The following CNTNAP2 variants were observed in gnomAD, a reference collection of about 807,000 sequenced individuals.
CNTNAP2 encodes contactin-associated protein-like 2.
Under a neutral mutation model 155.2 loss-of-function variants are expected in CNTNAP2, and 98 were observed. That is an observed-to-expected ratio of 0.63 (90% CI 0.54 to 0.75). CNTNAP2 has a LOEUF of 0.75. Among genes scored for constraint, CNTNAP2 ranks in the 30% least tolerant of loss-of-function variants. CNTNAP2 has a pLI of 0.00. For synonymous variants in CNTNAP2, 651 were observed against 631.2 expected, an observed-to-expected ratio of 1.03 and a Z score of -0.47; for missense variants, 1,727 against 1,688.1, an observed-to-expected ratio of 1.02 and a Z score of -0.40.
At chr7:146,902,826 A>G (rs75040672) in intron 3 of CNTNAP2, among the ~76,000 whole-genome samples, 1,875 of 152,330 alleles carry the variant, frequency 0.012, 30 homozygotes, top group African/African-American at 0.041. Context: ...AGTGAGGATG[A>G]AATCTCTGTT....
intron 9 of CNTNAP2, among the ~76,000 whole-genome samples, chr7:147,339,468 C>A (rs920251399): frequency 6.6e-6 from 1 of 152,124 alleles, no homozygotes; most frequent in Non-Finnish European, 1.5e-5. Context: ...AAGGCCCTCA[C>A]CAGACACAGC....
Position 146,600,204 on chromosome 7 carries a change from G to A in CNTNAP2, c.98-174067G>A, listed in dbSNP as rs191342022. On this transcript the variant is annotated intron_variant, in intron 1 of 23. Coordinates refer to ENST00000361727, the MANE Select transcript of CNTNAP2 (RefSeq NM_014141.6). ...CAGGAAAATGAAGGCTAATCCTAGG[G>A]CACCCATGATACCTGGCTGTGCTAA... Among the ~76,000 whole-genome samples, 309 of 152,122 alleles carry A rather than the reference G, an allele frequency of 2.0e-3. 1 individual carries two copies. Among genetic ancestry groups the A allele is most frequent in the African/African-American group, 7.1e-3 (293 of 41,510 alleles).
chr7:146,132,940 G>A (rs2116739657), intron 1 of CNTNAP2, among the ~76,000 whole-genome samples: 1 of 148,376 alleles, frequency 6.7e-6, no homozygotes, highest in East Asian at 2.0e-4. Context: ...TAATGGGATG[G>A]CTGGGTCAAA....
At chr7:146,370,336 G>A (rs1244922150) in intron 1 of CNTNAP2, among the ~76,000 whole-genome samples, 1 of 151,022 alleles carries the variant, frequency 6.6e-6, no homozygotes, top group Non-Finnish European at 1.5e-5. Flanking sequence ...TACTTGGGAG[G>A]CTGATGCAAG....
chr7:146,475,013 G>GCGCGCGCACACACACA (rs71525954), intron 1 of CNTNAP2, among the ~76,000 whole-genome samples: 18 of 144,382 alleles, frequency 1.2e-4, no homozygotes, highest in African/African-American at 4.7e-4. Context: ...GCGCGCGCGC[G>GCGCGCGCACACACACA]CACACACACA....
chr7:147,137,482 G>C (rs573112532), intron 8 of CNTNAP2, among the ~76,000 whole-genome samples: 45 of 151,618 alleles, frequency 3.0e-4, no homozygotes, highest in African/African-American at 1.1e-3. Context: ...GTTCTCAGAA[G>C]TCAAAAACAA....
chr7:148,142,266 C>T (rs1805090624), intron 16 of CNTNAP2, among the ~76,000 whole-genome samples: 1 of 152,068 alleles, frequency 6.6e-6, no homozygotes, highest in Non-Finnish European at 1.5e-5. Flanking sequence ...GAACTCTTTA[C>T]TTCTTTCTCC....
rs527502672 is a variant in CNTNAP2, at chr7:146,725,059, C to A, written c.98-49212C>A. On this transcript the variant is annotated intron_variant, in intron 1 of 23. Transcript: ENST00000361727. ...ACTCTGTTCCCGGCCTTTCTCCTGG[C>A]TACTGGCGGTTGCTGTTAGTCCTTC... Among the ~76,000 whole-genome samples, 3 of 152,228 alleles carry A rather than the reference C, an allele frequency of 2.0e-5. No individual in the cohort carries two copies. In the East Asian group the frequency reaches 5.8e-4, roughly 29 times the overall value.
intron 4 of CNTNAP2, among the ~76,000 whole-genome samples, chr7:147,072,279 T>C (rs1799907359): frequency 6.6e-6 from 1 of 151,964 alleles, no homozygotes; most frequent in Non-Finnish European, 1.5e-5. Context: ...GCTGGAGAGT[T>C]GACAAATCCT....
chr7:146,926,870 G>A (rs1448732405), intron 3 of CNTNAP2, among the ~76,000 whole-genome samples: 1 of 152,052 alleles, frequency 6.6e-6, no homozygotes, highest in Non-Finnish European at 1.5e-5. Flanking sequence ...CAAAAAATGT[G>A]ATACATTTTA....
intron 1 of CNTNAP2, among the ~76,000 whole-genome samples, chr7:146,299,624 A>G (rs1383589463): frequency 1.3e-5 from 2 of 151,820 alleles, no homozygotes; most frequent in African/African-American, 4.8e-5. Flanking sequence ...ATGGTCACCA[A>G]CACTGGCCTC....
chr7:147,658,023 G>A (rs562820278), intron 13 of CNTNAP2, among the ~76,000 whole-genome samples: 1 of 118,446 alleles, frequency 8.4e-6, no homozygotes, highest in East Asian at 2.1e-4. Context: ...TTGGGAGGCC[G>A]AGGCGGGCGG....
rs114529267 is a variant in CNTNAP2 at position 148,274,679 on chromosome 7, C to G, written c.3475+7553C>G. Among the ~76,000 whole-genome samples, 1,346 of 152,270 alleles carry G rather than the reference C, an allele frequency of 8.8e-3. 25 individuals are homozygous for G. Among genetic ancestry groups the G allele is most frequent in the African/African-American group, 0.03 (1,265 of 41,554 alleles). On this transcript the variant is annotated intron_variant, in intron 21 of 23. Transcript: ENST00000361727. ...ATAATCATAAGCTTCCTGAGGCCTCCCCAGAAGCAGATGCCAGTGCTGTGC... is the reference window on the plus strand; with the variant it reads ...ATAATCATAAGCTTCCTGAGGCCTCGCCAGAAGCAGATGCCAGTGCTGTGC...
chr7:147,975,357 A>T (rs914731024), intron 14 of CNTNAP2, among the ~76,000 whole-genome samples: 3 of 151,976 alleles, frequency 2.0e-5, no homozygotes, highest in Non-Finnish European at 4.4e-5. Context: ...GCTGTTCTAA[A>T]TCATTATGTG....
Position 146,734,885 on chromosome 7 carries a change from A to G in CNTNAP2, c.98-39386A>G, listed in dbSNP as rs192263616. Reference sequence around the variant, plus strand: ...TTTCCAAAATCCTTAATTTTGAGTAATGCTGTTATCTTTCACCTCTGGAGT... The same window carrying G: ...TTTCCAAAATCCTTAATTTTGAGTAGTGCTGTTATCTTTCACCTCTGGAGT... On this transcript the variant is annotated intron_variant, in intron 1 of 23. Coordinates refer to ENST00000361727, the MANE Select transcript of CNTNAP2 (RefSeq NM_014141.6). Among the ~76,000 whole-genome samples, 396 of 152,298 alleles carry G rather than the reference A, an allele frequency of 2.6e-3. 3 individuals are homozygous for G. The highest frequency in any genetic ancestry group is 8.8e-3 in the African/African-American group (364 of 41,574).
intron 13 of CNTNAP2, 69 bp from the exon 14 acceptor site, chr7:147,903,496 G>A (rs1322494595): frequency 1.3e-6 from 2 of 1,517,732 alleles, no homozygotes; most frequent in Non-Finnish European, 1.8e-6. Flanking sequence ...GGGGAAGTGG[G>A]TGTAAGTGTG....
At chr7:148,172,566 T>C in intron 18 of CNTNAP2, 88 bp downstream of exon 18, 1 of 1,184,946 alleles carries the variant, frequency 8.4e-7, no homozygotes, top group Non-Finnish European at 1.3e-6. Flanking sequence ...TGTAAACAAG[T>C]GTACCTTATT....
At chr7:147,469,496 TCAGGCTGCAA>T (rs1798175256) in intron 10 of CNTNAP2, among the ~76,000 whole-genome samples, 1 of 144,892 alleles carries the variant, frequency 6.9e-6, no homozygotes, top group Non-Finnish European at 1.5e-5. Context: ...CACCAGGATG[TCAGGCTGCAA>T]TTTTTTTTTT....
At chr7:146,374,813 C>A (rs1795283996) in intron 1 of CNTNAP2, among the ~76,000 whole-genome samples, 1 of 152,106 alleles carries the variant, frequency 6.6e-6, no homozygotes, top group African/African-American at 2.4e-5. Context: ...TTTTAAGCGT[C>A]TTTTCAACAA....
Sources: allele counts gnomAD v4.1 joint callset (sites outside exome capture counted in the v4.1 genomes callset), GRCh38; gene constraint gnomAD v4.1.1; transcripts MANE v1.5; gene names NCBI Gene and HGNC (gene_info 2026-07-23, HGNC 2026-07-21).